The following MMP1 variants were observed in gnomAD, a reference collection of about 807,000 sequenced individuals.
MMP1 encodes matrix metallopeptidase 1, also known as interstitial collagenase.
A neutral mutation model predicts 49.6 loss-of-function variants in MMP1; 51 were observed. The observed-to-expected ratio is 1.03, with a 90% CI of 0.82 to 1.30. MMP1 has a LOEUF of 1.30. MMP1 is among the 50% of genes most tolerant of loss of function. The pLI, the probability that MMP1 is intolerant of heterozygous loss-of-function variation, is 0.00. For synonymous variants in MMP1, 230 were observed against 196.8 expected (o/e 1.17, Z -1.41); for missense variants, 623 against 568.7 (o/e 1.10, Z -0.97).
At chr11:102,792,791 G>A (rs1858069689) in intron 6 of MMP1, 53 bp from the exon 7 acceptor site, 2 of 1,539,158 alleles carry the variant, frequency 1.3e-6, no homozygotes, top group South Asian at 2.3e-5. Flanking sequence ...GTAATCTCTG[G>A]CAGATATCCA....
chr11:102,795,285 G>C lies in MMP1; in HGVS notation c.788C>G (p.Ser263Cys), dbSNP rs751235903. 36 of 1,613,840 alleles carry C rather than the reference G, an allele frequency of 2.2e-5. No individual in the cohort carries two copies. The highest frequency in any genetic ancestry group is 3.0e-5 in the Non-Finnish European group (35 of 1,179,964). ...IDGIQAIYGR[S>C]QNPVQPIGPQ... ...GCCGATGGGCTGGACAGGATTTTGG[G>C]AACGTCCTAAGGAAAATAAAATACC... Residue 263 changes from serine to cysteine, a missense_variant, in exon 6 of 10, where the codon TCC becomes TGC. Physicochemically the swap from Ser to Cys is moderately radical, Grantham distance 112. Coordinates refer to ENST00000315274, the MANE Select transcript of MMP1 (RefSeq NM_002421.4).
Position 102,796,738 on chromosome 11 carries a change from G to A in MMP1, c.551C>T (p.Ala184Val). ...FDGPGGNLAH[A>V]FQPGPGIGGD... ...TCCAATACCTGGGCCTGGTTGAAAA[G>A]CATGAGCAAGATTTCCTCCAGGTCC... Residue 184 changes from alanine to valine, a missense_variant, in exon 4 of 10, where the codon GCT becomes GTT. Physicochemically the swap from Ala to Val is moderately conservative, Grantham distance 64. Transcript: ENST00000315274. 1 of 1,613,982 alleles carries A rather than the reference G, an allele frequency of 6.2e-7. No individual in the cohort carries two copies. Among genetic ancestry groups the A allele is most frequent in the Non-Finnish European group, 8.5e-7 (1 of 1,179,954 alleles).
At chr11:102,790,577 C>A in intron 9 of MMP1, 56 bp from the exon 10 acceptor site, 1 of 1,366,434 alleles carries the variant, frequency 7.3e-7, no homozygotes, top group East Asian at 2.3e-5. Flanking sequence ...CTAGGTTTAA[C>A]TTGAATTCTT....
rs1378959125 is a variant in MMP1 at position 102,794,306 on chromosome 11, C to T, written c.899+868G>A. ...ACTTGAGAGGCTGCAGAGAATGAGCCTTTCAGGCCACCCTGAATTTCTATG... is the reference window on the plus strand; with the variant it reads ...ACTTGAGAGGCTGCAGAGAATGAGCTTTTCAGGCCACCCTGAATTTCTATG... On this transcript the variant is annotated intron_variant, in intron 6 of 9. Transcript: ENST00000315274. The surrounding 1 kb of genome is among the most constrained non-coding windows in gnomAD (Gnocchi z 4.3). 6.6e-6 allele frequency among the ~76,000 whole-genome samples: 1 copy of T among 152,204 alleles called. No homozygotes were observed. Among genetic ancestry groups the T allele is most frequent in the African/African-American group, 2.4e-5 (1 of 41,444 alleles).
chr11:102,791,452 T>A lies in MMP1; in HGVS notation c.1077A>T (p.Gly359=), dbSNP rs781074458. 1 of 1,613,932 alleles carries A rather than the reference T, an allele frequency of 6.2e-7. No individual in the cohort carries two copies. Among genetic ancestry groups the A allele is most frequent in the African/African-American group, 1.3e-5 (1 of 74,938 alleles). The change falls in exon 8 of 10, where the codon GGA becomes GGT. Residue 359 remains glycine, a synonymous_variant. Coordinates refer to ENST00000315274, the MANE Select transcript of MMP1 (RefSeq NM_002421.4). The part of the protein sequence containing the change: ...WAVQGQNVLH[G]YPKDIYSSFG... ...AGGAGCTGTAGATGTCCTTGGGGTA[T>A]CCGTGTAGCACATTCTGTCCCTGAA...
chr11:102,797,959 A>C (rs1858250651), intron 1 of MMP1, 29 bp downstream of exon 1: 2 of 1,490,810 alleles, frequency 1.3e-6, no homozygotes, highest in African/African-American at 1.4e-5. Context: ...AAAAATTTAC[A>C]TTATTGTCAC....
In MMP1 at chr11:102,791,407, CA is replaced by C. The variant is rs1434132567; in HGVS notation, c.1121del (p.Val374GlyfsTer41). ...IYSSFGFPRT[V>X]KHIDAALSEE... is the part of the protein sequence containing the mutation. ...CAGAAAGAGCAGCATCGATATGCTT[CA>C]CAGTTCTAGGGAAGCCAAAGGAGCT... On this transcript the variant is annotated frameshift_variant, in exon 8 of 10. Coordinates refer to ENST00000315274, the MANE Select transcript of MMP1 (RefSeq NM_002421.4). LOFTEE classifies it high-confidence loss of function. 1 of 1,613,950 alleles carries C rather than the reference CA, an allele frequency of 6.2e-7. No homozygotes were observed. Among genetic ancestry groups the C allele is most frequent in the African/African-American group, 1.3e-5 (1 of 74,926 alleles).
At chr11:102,792,901 A>G (rs555545291) in intron 6 of MMP1, among the ~76,000 whole-genome samples, 163 bp from the exon 7 acceptor site, 1 of 152,304 alleles carries the variant, frequency 6.6e-6, no homozygotes, top group South Asian at 2.1e-4. Flanking sequence ...TGCTGATTTC[A>G]CTAGCTTGAA....
chr11:102,797,323 G>A lies in MMP1; in HGVS notation c.283C>T (p.Pro95Ser), dbSNP rs1858224163. The A allele has an allele frequency of 1.2e-6, 2 of 1,614,012 alleles. No individual in the cohort carries two copies. The highest frequency in any genetic ancestry group is 1.7e-6 in the Non-Finnish European group (2 of 1,180,032). ...GTGAGGACAAACTGAGCCACATCAG[G>A]CACTCCACATCTGGGCTGCTTCATC... ...KVMKQPRCGV[P>S]DVAQFVLTEG... Residue 95 changes from proline (P) to serine (S), a missense_variant, in exon 2 of 10, where the codon CCT becomes TCT. By Grantham distance (74) the Pro-to-Ser change is moderately conservative (BLOSUM62 -1). Coordinates refer to ENST00000315274, the MANE Select transcript of MMP1 (RefSeq NM_002421.4).
chr11:102,797,545 C>A, intron 1 of MMP1, 45 bp from the exon 2 acceptor site: 2 of 1,603,352 alleles, frequency 1.2e-6, no homozygotes, highest in South Asian at 1.1e-5. Context: ...AAATCTTTCT[C>A]ATTATTCTAA....
intron 1 of MMP1, 39 bp from the exon 2 acceptor site, chr11:102,797,539 C>A: frequency 1.2e-6 from 2 of 1,606,278 alleles, no homozygotes; most frequent in South Asian, 2.2e-5. Context: ...CATGGGAAAT[C>A]TTTCTCATTA....
chr11:102,792,581 G>C, intron 7 of MMP1, 24 bp downstream of exon 7: 2 of 1,610,124 alleles, frequency 1.2e-6, no homozygotes, highest in East Asian at 2.2e-5. Context: ...TATTAAAGCA[G>C]TGAAAAATAA....
intron 4 of MMP1, among the ~76,000 whole-genome samples, chr11:102,796,250 A>G (rs1858187336): frequency 6.6e-6 from 1 of 152,234 alleles, no homozygotes; most frequent in Non-Finnish European, 1.5e-5. Flanking sequence ...CGCCCAGCCT[A>G]ATATTTAATA....
At position 102,790,470 on chromosome 11, in the gene MMP1, G is replaced by C. The variant is rs146623880; in HGVS notation, c.1352C>G (p.Thr451Arg). 1 of 1,610,636 alleles carries C rather than the reference G, an allele frequency of 6.2e-7. No individual in the cohort carries two copies. The highest frequency in any genetic ancestry group is 1.3e-5 in the African/African-American group (1 of 74,758). Residue 451 changes from threonine (T) to arginine (R), a missense_variant, in exon 10 of 10, where the codon ACG becomes AGG. Transcript: ENST00000315274. ...GTRQYKFDPK[T>R]KRILTLQKAN... ...TTTCTGGAGAGTCAAAATTCTCTTC[G>C]TTTTAGGATCAAATTTGTATTGTCT...
chr11:102,796,880 A>G (rs1858208025), intron 3 of MMP1, 91 bp from the exon 4 acceptor site: 1 of 1,539,482 alleles, frequency 6.5e-7, no homozygotes, highest in Admixed American at 1.9e-5. Context: ...AGGCCAACAG[A>G]CTTCCATCAA....
chr11:102,797,603 C>CACAAGGTTTAAAAG, intron 1 of MMP1, 103 bp from the exon 2 acceptor site: 1 of 1,433,442 alleles, frequency 7.0e-7, no homozygotes, highest in Admixed American at 2.2e-5. Context: ...TGCTTTTAAA[C>CACAAGGTTTAAAAG]CTTGTGTTTA....
rs773957569 is a variant in MMP1 at position 102,790,765 on chromosome 11, T to C, written c.1238A>G (p.Lys413Arg). The change falls in exon 9 of 10, where the codon AAA becomes AGA. Residue 413 changes from lysine to arginine, a missense_variant. Coordinates refer to ENST00000315274, the MANE Select transcript of MMP1 (RefSeq NM_002421.4). ...TCCAGGAAAGTCATGTGCTATCATT[T>C]TGGGATAACCTGGATCCATAGATCG... ...YKRSMDPGYP[K>R]MIAHDFPGIG... is the part of the protein sequence containing the mutation. 1 of 1,613,568 alleles carries C rather than the reference T, an allele frequency of 6.2e-7. No homozygotes were observed. Among genetic ancestry groups the C allele is most frequent in the Admixed American group, 1.7e-5 (1 of 60,014 alleles).
Position 102,797,019 on chromosome 11 carries a change from C to T in MMP1, c.494G>A (p.Arg165Lys), listed in dbSNP as rs747359626. The T allele has an allele frequency of 4.7e-5, 75 of 1,612,314 alleles. No individual in the cohort carries two copies. Among genetic ancestry groups the T allele is most frequent in the Non-Finnish European group, 5.5e-5 (65 of 1,178,958 alleles). The change falls in exon 3 of 10, where the codon AGG becomes AAG. Residue 165 changes from arginine (R) to lysine (K), a missense_variant. Transcript: ENST00000315274. Reference protein sequence around the residue: ...GQADIMISFVRGDHRDNSPFD... With the variant: ...GQADIMISFVKGDHRDNSPFD... Reference sequence around the variant, plus strand: ...GTGCTATAAGAAGAACTTACCTCCCCTGACAAAAGATATCATGATGTCTGC... The same window carrying T: ...GTGCTATAAGAAGAACTTACCTCCCTTGACAAAAGATATCATGATGTCTGC...
chr11:102,795,596 G>A lies in MMP1; in HGVS notation c.637C>T (p.His213Tyr), dbSNP rs771914327. The A allele has an allele frequency of 2.5e-6, 4 of 1,610,776 alleles. No homozygotes were observed. In the Admixed American group the frequency reaches 5.1e-5, roughly 20 times the overall value. The stretch of plus-strand genomic sequence containing the variant: ...CCGAGTTCATGAGCTGCAACACGAT[G>A]TAAGTTGTACTCTAAAAAGGCCAAT... Reference protein sequence around the residue: ...WTNNFREYNLHRVAAHELGHS... With the variant: ...WTNNFREYNLYRVAAHELGHS... Residue 213 changes from histidine (H) to tyrosine (Y), a missense_variant, in exon 5 of 10, where the codon CAT becomes TAT. His to Tyr is a moderately conservative substitution (Grantham distance 83, BLOSUM62 2). Coordinates refer to ENST00000315274, the MANE Select transcript of MMP1 (RefSeq NM_002421.4).
Sources: allele counts gnomAD v4.1 joint callset (sites outside exome capture counted in the v4.1 genomes callset), GRCh38; gene constraint gnomAD v4.1.1; non-coding constraint Gnocchi (gnomAD v3.1); transcripts MANE v1.5; gene names NCBI Gene and HGNC (gene_info 2026-07-23, HGNC 2026-07-21).